The following PRKCA variants were observed in gnomAD, a reference collection of about 807,000 sequenced individuals.
The protein encoded by PRKCA is protein kinase C alpha, also known as protein kinase C alpha type.
PRKCA carries 27 observed loss-of-function variants against 87.0 expected under a neutral mutation model. The ratio of observed to expected loss-of-function variants is 0.31; its 90% CI spans 0.23 to 0.43. PRKCA has a LOEUF of 0.43. Ranked by LOEUF, PRKCA falls within the 20% of genes least tolerant of loss-of-function variation. The pLI is 1.00. For synonymous variants in PRKCA, 329 were observed against 311.1 expected (o/e 1.06, Z -0.61); for missense variants, 518 against 852.3 (o/e 0.61, Z 4.88).
chr17:66,573,238 G>A (rs902168976), intron 3 of PRKCA, among the ~76,000 whole-genome samples: 3 of 152,188 alleles, frequency 2.0e-5, no homozygotes, highest in Non-Finnish European at 4.4e-5. Context: ...CTTGTAATGA[G>A]CAGCTAAGCC....
chr17:66,777,142 G>A (rs1975073434), intron 14 of PRKCA: 1 of 852,468 alleles, frequency 1.2e-6, no homozygotes. Flanking sequence ...TGACATTCCT[G>A]GTGGGTAGGG....
intron 2 of PRKCA, among the ~76,000 whole-genome samples, chr17:66,331,549 G>A (rs771282879): frequency 1.4e-4 from 21 of 152,132 alleles, no homozygotes; most frequent in Non-Finnish European, 2.8e-4. Flanking sequence ...ACTCTCCTCT[G>A]CACAGACTTG....
chr17:66,750,927 A>G (rs183214395), intron 13 of PRKCA, among the ~76,000 whole-genome samples: 73 of 152,312 alleles, frequency 4.8e-4, no homozygotes, highest in African/African-American at 1.7e-3. Context: ...ATCAGCTCCA[A>G]TGCTACCCAA....
At chr17:66,793,353 G>A (rs1029745095) in intron 16 of PRKCA, among the ~76,000 whole-genome samples, 11 of 152,158 alleles carry the variant, frequency 7.2e-5, no homozygotes, top group Non-Finnish European at 2.9e-5. Context: ...ACTTTGGGAG[G>A]TCGAGGCAGG....
intron 13 of PRKCA, among the ~76,000 whole-genome samples, chr17:66,752,813 G>A (rs1282430425): frequency 6.6e-6 from 1 of 152,120 alleles, no homozygotes; most frequent in African/African-American, 2.4e-5. Flanking sequence ...TTGACATGGT[G>A]CTGGCTACTA....
chr17:66,302,807 C>T lies in PRKCA; in HGVS notation c.-45C>T, dbSNP rs1904576940. On this transcript the variant is annotated 5_prime_UTR_variant, in exon 1 of 17. Coordinates refer to ENST00000413366, the MANE Select transcript of PRKCA (RefSeq NM_002737.3). Reference sequence around the variant, plus strand: ...CCGCCCCCGCCCACCCGGCCCTCCGCGGCCGCAGCTCCCCGGCGGAGGCAA... The same window carrying T: ...CCGCCCCCGCCCACCCGGCCCTCCGTGGCCGCAGCTCCCCGGCGGAGGCAA... The T allele has an allele frequency of 6.9e-6, 10 of 1,452,488 alleles. No homozygotes were observed. The highest frequency in any genetic ancestry group is 9.1e-6 in the Non-Finnish European group (10 of 1,093,210). The allele number at this position is 1,452,488 out of a possible 1,614,324, so 90.0% of individuals were successfully genotyped here.
chr17:66,409,262 T>G (rs921451745), intron 2 of PRKCA, among the ~76,000 whole-genome samples: 1 of 152,010 alleles, frequency 6.6e-6, no homozygotes, highest in Non-Finnish European at 1.5e-5. Flanking sequence ...TCTCCTCAGG[T>G]TCACTTGTTG....
At chr17:66,473,773 A>G (rs1209141232) in intron 2 of PRKCA, among the ~76,000 whole-genome samples, 1 of 152,120 alleles carries the variant, frequency 6.6e-6, no homozygotes, top group Non-Finnish European at 1.5e-5. Context: ...CGTCTCTACT[A>G]AAAATACAAA....
At chr17:66,748,118 C>T (rs2144254562) in intron 13 of PRKCA, among the ~76,000 whole-genome samples, 1 of 152,290 alleles carries the variant, frequency 6.6e-6, no homozygotes, top group African/African-American at 2.4e-5. Context: ...GACGTGGTTG[C>T]CTGACCTGCA....
chr17:66,482,488 A>G (rs1915830660), intron 2 of PRKCA, among the ~76,000 whole-genome samples: 2 of 152,200 alleles, frequency 1.3e-5, no homozygotes, highest in Non-Finnish European at 2.9e-5. Context: ...TACCTTTTAA[A>G]TTAGGAATGT....
intron 2 of PRKCA, among the ~76,000 whole-genome samples, chr17:66,481,114 C>G (rs1344959065): frequency 6.6e-6 from 1 of 152,112 alleles, no homozygotes; most frequent in African/African-American, 2.4e-5. Context: ...CAAGTCTTCC[C>G]TGAACTCAAG....
intron 2 of PRKCA, among the ~76,000 whole-genome samples, chr17:66,486,700 T>A (rs1419067757): frequency 6.6e-6 from 1 of 152,162 alleles, no homozygotes; most frequent in Non-Finnish European, 1.5e-5. Flanking sequence ...CGTTGTCTTT[T>A]GGCCTCTAAC....
chr17:66,742,241 G>T (rs975227392), intron 12 of PRKCA, among the ~76,000 whole-genome samples: 1 of 152,212 alleles, frequency 6.6e-6, no homozygotes, highest in Non-Finnish European at 1.5e-5. Flanking sequence ...CCAGTGAAGT[G>T]GTTCTAAACC....
chr17:66,557,745 C>T (rs927888065), intron 3 of PRKCA, among the ~76,000 whole-genome samples: 5 of 152,166 alleles, frequency 3.3e-5, no homozygotes, highest in Non-Finnish European at 7.4e-5. Flanking sequence ...ACTTCCAAAA[C>T]CTAGAATTTT....
rs1260366286 is a variant in PRKCA, at chr17:66,777,867, GTCC to G, written c.1605+3807_1605+3809del. ...TTTCAGAACCCAGGTCTGCAGGAAAGTCCTCCTCCCTCCCGCAGCCTGGCTTCT... is the reference window on the plus strand; with the variant it reads ...TTTCAGAACCCAGGTCTGCAGGAAAGTCCTCCCTCCCGCAGCCTGGCTTCT... On this transcript the variant is annotated intron_variant, in intron 14 of 16. Coordinates refer to ENST00000413366, the MANE Select transcript of PRKCA (RefSeq NM_002737.3). 3.0e-6 allele frequency: 3 copies of G among 985,282 alleles called. No homozygotes were observed. The Admixed American group carries it at 1.8e-4, about 61-fold the overall frequency. The allele number at this position is 985,282 out of a possible 1,614,324, so 61.0% of individuals were successfully genotyped here.
At chr17:66,639,931 G>A (rs993964188) in intron 3 of PRKCA, among the ~76,000 whole-genome samples, 1 of 152,082 alleles carries the variant, frequency 6.6e-6, no homozygotes, top group Admixed American at 6.5e-5. Context: ...GGAGGCAGAG[G>A]TTGCAGTGAG....
intron 8 of PRKCA, among the ~76,000 whole-genome samples, chr17:66,692,107 G>T (rs1238855244): frequency 6.6e-6 from 1 of 152,224 alleles, no homozygotes; most frequent in East Asian, 1.9e-4. Context: ...AGGAGCGCCA[G>T]CCCAAGGCTG....
chr17:66,439,132 C>T (rs1913574521), intron 2 of PRKCA, among the ~76,000 whole-genome samples: 1 of 152,110 alleles, frequency 6.6e-6, no homozygotes, highest in Admixed American at 6.5e-5. Context: ...TCATTCAACC[C>T]TCCCAACAGC....
intron 3 of PRKCA, among the ~76,000 whole-genome samples, chr17:66,529,339 C>G (rs1361579594): frequency 1.3e-5 from 2 of 152,168 alleles, no homozygotes; most frequent in Non-Finnish European, 2.9e-5. Context: ...CAGCAGCTGA[C>G]CTGGTGGGCT....
Sources: gnomAD v4.1 joint callset for allele counts (sites outside exome capture counted in the v4.1 genomes callset) on GRCh38, gnomAD v4.1.1 for gene constraint, MANE v1.5 for transcripts, NCBI Gene and HGNC (gene_info 2026-07-23, HGNC 2026-07-21) for gene names.